GLS: variants seen among roughly 807,000 people sequenced by gnomAD.
The protein encoded by GLS is glutaminase kidney isoform, mitochondrial.
Under a neutral mutation model 86.7 loss-of-function variants are expected in GLS, and 36 were observed. The observed-to-expected ratio is 0.42, with a 90% CI of 0.32 to 0.55. The LOEUF (loss-of-function observed/expected upper bound fraction) is 0.55. Ranked by LOEUF, GLS falls within the 20% of genes least tolerant of loss-of-function variation. The probability of loss-of-function intolerance (pLI) is 0.17; values close to 1 mark genes in which losing one functional copy is unlikely to be tolerated. For synonymous variants in GLS, 317 were observed against 305.9 expected, an observed-to-expected ratio of 1.04 and a Z score of -0.38; for missense variants, 528 against 833.4, an observed-to-expected ratio of 0.63 and a Z score of 4.51.
At chr2:190,910,594 A>G (rs2124868186) in intron 7 of GLS, among the ~76,000 whole-genome samples, 2 of 151,618 alleles carry the variant, frequency 1.3e-5, no homozygotes, top group South Asian at 4.1e-4. Flanking sequence ...TCTGCTGAAG[A>G]AAGGCATAGA....
At chr2:190,888,523 A>C (rs530920630) in intron 1 of GLS, among the ~76,000 whole-genome samples, 4 of 152,206 alleles carry the variant, frequency 2.6e-5, no homozygotes, top group Non-Finnish European at 5.9e-5. Context: ...CTGAAAGGCC[A>C]AATAGTAAAT....
intron 14 of GLS, among the ~76,000 whole-genome samples, chr2:190,944,604 A>G (rs541832238): frequency 1.3e-5 from 2 of 152,172 alleles, no homozygotes; most frequent in Non-Finnish European, 2.9e-5. Context: ...CCACACAAAG[A>G]TATATTGTTA....
intron 5 of GLS, among the ~76,000 whole-genome samples, chr2:190,903,412 A>G (rs1011431311): frequency 6.6e-6 from 1 of 152,184 alleles, no homozygotes; most frequent in Non-Finnish European, 1.5e-5. Flanking sequence ...AGTAAAATGT[A>G]CTGAGCAGTC....
Position 190,949,821 on chromosome 2 carries a change from T to G in GLS, c.1651-3744T>G, listed in dbSNP as rs931572712. ...CAATAGATATTTAATGAGCACCTAT[T>G]ATGTGTGATAGACACTGAGTTTACG... On this transcript the variant is annotated intron_variant, in intron 14 of 17. Transcript: ENST00000320717. This position sits in a 1 kb window ranked among gnomAD's most constrained non-coding sequence, Gnocchi z 4.0. 6.6e-6 allele frequency among the ~76,000 whole-genome samples: 1 copy of G among 152,002 alleles called. No homozygotes were observed. Among genetic ancestry groups the G allele is most frequent in the African/African-American group, 2.4e-5 (1 of 41,382 alleles).
rs560641767 is a variant in GLS at position 190,934,542 on chromosome 2, A to G, written c.1650+2905A>G. The G allele has an allele frequency of 3.0e-6, 3 of 983,682 alleles. No homozygotes were observed. In the East Asian group the frequency reaches 3.4e-4, roughly 112 times the overall value. The allele number at this position is 983,682 out of a possible 1,614,324, so 60.9% of individuals were successfully genotyped here. ...CATATTTGTGTTGCATATTTATGTTAGTTGCACCAGGGCCATTTGTAGTTT... is the reference window on the plus strand; with the variant it reads ...CATATTTGTGTTGCATATTTATGTTGGTTGCACCAGGGCCATTTGTAGTTT... On this transcript the variant is annotated intron_variant, in intron 14 of 17. Transcript: ENST00000320717.
intron 14 of GLS, among the ~76,000 whole-genome samples, chr2:190,937,340 G>GT (rs949462790): frequency 6.6e-6 from 1 of 151,258 alleles, no homozygotes; most frequent in Non-Finnish European, 1.5e-5. Context: ...CCTCCAGCTA[G>GT]TAGTTTATTA....
chr2:190,940,270 A>G (rs1224313459), intron 14 of GLS, among the ~76,000 whole-genome samples: 1 of 152,046 alleles, frequency 6.6e-6, no homozygotes, highest in Non-Finnish European at 1.5e-5. Flanking sequence ...TGAGATGAAT[A>G]TTTGAATTGA....
At chr2:190,927,637 A>AT (rs1483629503) in intron 12 of GLS, 155 bp downstream of exon 12, 8 of 580,782 alleles carry the variant, frequency 1.4e-5, no homozygotes, top group Admixed American at 1.0e-4. Context: ...TTAGTAAGGA[A>AT]TAGAGATAAG....
At chr2:190,941,357 A>T (rs1690422712) in intron 14 of GLS, among the ~76,000 whole-genome samples, 1 of 152,216 alleles carries the variant, frequency 6.6e-6, no homozygotes, top group Non-Finnish European at 1.5e-5. Flanking sequence ...AATAAACTTT[A>T]TGAGACACAA....
intron 9 of GLS, 97 bp from the exon 10 acceptor site, chr2:190,923,820 T>G (rs1689819976): frequency 1.3e-6 from 1 of 752,322 alleles, no homozygotes; most frequent in Non-Finnish European, 2.3e-6. Flanking sequence ...CTTAGTTCAG[T>G]GTTCTTTATG....
At chr2:190,934,580 G>A in intron 14 of GLS, 9 of 983,330 alleles carry the variant, frequency 9.2e-6, no homozygotes, top group Non-Finnish European at 1.1e-5. Flanking sequence ...GCAACCGAAT[G>A]CCTTAATTGG....
In GLS at chr2:190,954,288, G is replaced by A. The variant is rs1170717920; in HGVS notation, c.1713-296G>A. Among the ~76,000 whole-genome samples the A allele has an allele frequency of 1.3e-5, 2 of 151,960 alleles. No homozygotes were observed. Among genetic ancestry groups the A allele is most frequent in the Admixed American group, 6.6e-5 (1 of 15,234 alleles). ...TTGCCCTTATGAGACATAAACCTTG[G>A]TACACAGTTGTGCCATAATTCTTAA... On this transcript the variant is annotated intron_variant, in intron 15 of 17. Transcript: ENST00000320717. The surrounding 1 kb of genome is among the most constrained non-coding windows in gnomAD (Gnocchi z 4.0).
At chr2:190,907,481 C>T (rs796332068) in intron 6 of GLS, among the ~76,000 whole-genome samples, 12 of 152,118 alleles carry the variant, frequency 7.9e-5, no homozygotes, top group African/African-American at 2.9e-4. Context: ...GTCGCGAACT[C>T]CCAACCTCAG....
rs1244178793 is a variant in GLS at position 190,935,151 on chromosome 2, T to G, written c.1650+3514T>G. On this transcript the variant is annotated intron_variant, in intron 14 of 17. Coordinates refer to ENST00000320717, the MANE Select transcript of GLS (RefSeq NM_014905.5). This position sits in a 1 kb window ranked among gnomAD's most constrained non-coding sequence, Gnocchi z 4.2. ...TGAAGTACTTTGTTTTTAGCATAAA[T>G]GTTGTGCATTTTATCTTAGTGTTTG... 4.3e-6 allele frequency: 4 copies of G among 923,250 alleles called. No individual in the cohort carries two copies. Among genetic ancestry groups the G allele is most frequent in the East Asian group, 1.2e-4 (1 of 8,538 alleles). 57.2% of individuals were successfully genotyped at this position (923,250 alleles called of 1,614,324 possible).
At chr2:190,891,837 A>G (rs1688573453) in intron 1 of GLS, among the ~76,000 whole-genome samples, 2 of 152,152 alleles carry the variant, frequency 1.3e-5, no homozygotes, top group African/African-American at 4.8e-5. Context: ...CTTAATTCAC[A>G]CATTCTGTGC....
rs531037798 is a variant in GLS at position 190,914,722 on chromosome 2, A to C, written c.1038+4401A>C. ...ACCTCCATACTTTATGAATGGAATCAAGTGCGATACTTACAAAATAACTCT... is the reference window on the plus strand; with the variant it reads ...ACCTCCATACTTTATGAATGGAATCCAGTGCGATACTTACAAAATAACTCT... On this transcript the variant is annotated intron_variant, in intron 7 of 17. Transcript: ENST00000320717. This position sits in a 1 kb window ranked among gnomAD's most constrained non-coding sequence, Gnocchi z 4.4. 4.1e-4 allele frequency among the ~76,000 whole-genome samples: 63 copies of C among 152,248 alleles called. No individual in the cohort carries two copies. Among genetic ancestry groups the C allele is most frequent in the African/African-American group, 1.4e-3 (59 of 41,558 alleles).
chr2:190,933,530 C>G, intron 14 of GLS: 2 of 938,520 alleles, frequency 2.1e-6, no homozygotes, highest in Non-Finnish European at 2.5e-6. Context: ...TTGTTATATA[C>G]AGGAGTGTCT....
chr2:190,936,941 CGT>C (rs987356906), intron 14 of GLS, among the ~76,000 whole-genome samples: 2 of 151,144 alleles, frequency 1.3e-5, no homozygotes, highest in Non-Finnish European at 3.0e-5. Context: ...GAATACTTAA[CGT>C]GTGATTTCTT....
chr2:190,915,249 C>T, intron 7 of GLS, among the ~76,000 whole-genome samples: 2 of 151,846 alleles, frequency 1.3e-5, no homozygotes, highest in Non-Finnish European at 2.9e-5. Context: ...ATCTGCCTCC[C>T]TCAGCCTCCC....
Sources: allele counts gnomAD v4.1 joint callset (sites outside exome capture counted in the v4.1 genomes callset), GRCh38; gene constraint gnomAD v4.1.1; non-coding constraint Gnocchi (gnomAD v3.1); transcripts MANE v1.5; gene names NCBI Gene and HGNC (gene_info 2026-07-23, HGNC 2026-07-21).